The following RBM47 variants were observed in gnomAD, a reference collection of about 807,000 sequenced individuals.
RBM47 encodes RNA-binding protein 47.
Under a neutral mutation model 47.1 loss-of-function variants are expected in RBM47, and 21 were observed. The observed-to-expected ratio is 0.45, with a 90% CI of 0.32 to 0.64. The LOEUF is 0.64. RBM47 is among the 30% of genes least tolerant of loss of function. The probability of loss-of-function intolerance (pLI) is 0.05; values close to 1 mark genes in which losing one functional copy is unlikely to be tolerated. For synonymous variants in RBM47, 375 were observed against 361.7 expected, an observed-to-expected ratio of 1.04 and a Z score of -0.42; for missense variants, 708 against 870.9, an observed-to-expected ratio of 0.81 and a Z score of 2.35.
At chr4:40,479,706 T>C (rs536250522) in intron 2 of RBM47, among the ~76,000 whole-genome samples, 15 of 152,276 alleles carry the variant, frequency 9.9e-5, no homozygotes, top group African/African-American at 3.6e-4. Context: ...TCTAGCTATG[T>C]TGCTCAGGCT....
chr4:40,508,275 C>A (rs1724402485), intron 2 of RBM47, among the ~76,000 whole-genome samples: 1 of 152,166 alleles, frequency 6.6e-6, no homozygotes, highest in Admixed American at 6.5e-5. Flanking sequence ...GCAGCAGTCA[C>A]CTTCTAGGGT....
chr4:40,619,907 C>G (rs900734029), intron 1 of RBM47, among the ~76,000 whole-genome samples: 1 of 152,170 alleles, frequency 6.6e-6, no homozygotes, highest in Non-Finnish European at 1.5e-5. Context: ...GCAGTTAAGT[C>G]TGTATCTAGG....
chr4:40,553,491 T>C (rs1407240556), intron 1 of RBM47, among the ~76,000 whole-genome samples: 1 of 152,120 alleles, frequency 6.6e-6, no homozygotes, highest in Admixed American at 6.5e-5. Flanking sequence ...AAAGATGGCA[T>C]TTCACCATGT....
chr4:40,599,751 A>AAAT (rs1337404074), intron 1 of RBM47, among the ~76,000 whole-genome samples: 1 of 151,802 alleles, frequency 6.6e-6, no homozygotes, highest in Admixed American at 6.6e-5. Context: ...AAAAAAAAAA[A>AAAT]AATCCTCAAG....
chr4:40,536,702 G>GGT (rs1159283404), intron 2 of RBM47, among the ~76,000 whole-genome samples: 352 of 122,958 alleles, frequency 2.9e-3, no homozygotes, highest in African/African-American at 0.013. Flanking sequence ...TGCAGTTTTT[G>GGT]GTGTGTGTGT....
At chr4:40,530,570 G>A (rs1727292208) in intron 2 of RBM47, among the ~76,000 whole-genome samples, 1 of 152,208 alleles carries the variant, frequency 6.6e-6, no homozygotes, top group Non-Finnish European at 1.5e-5. Flanking sequence ...AAAGTGCTGG[G>A]ATTACAGGCG....
At chr4:40,616,869 C>CTT (rs1560507580) in intron 1 of RBM47, among the ~76,000 whole-genome samples, 1 of 119,806 alleles carries the variant, frequency 8.3e-6, no homozygotes, top group African/African-American at 3.3e-5. Flanking sequence ...CTTATATTTT[C>CTT]TTTTCTTTTT....
At chr4:40,606,803 TTA>T (rs1380054432) in intron 1 of RBM47, among the ~76,000 whole-genome samples, 1 of 152,046 alleles carries the variant, frequency 6.6e-6, no homozygotes, top group Non-Finnish European at 1.5e-5. Context: ...TGAACATGTG[TTA>T]CAAGCCTGAG....
chr4:40,557,456 T>G (rs1172292249), intron 1 of RBM47, among the ~76,000 whole-genome samples: 1 of 152,076 alleles, frequency 6.6e-6, no homozygotes, highest in Non-Finnish European at 1.5e-5. Context: ...TCCATAAATA[T>G]TTGTTGAGTT....
chr4:40,500,342 C>T (rs989451857), intron 2 of RBM47, among the ~76,000 whole-genome samples: 6 of 151,092 alleles, frequency 4.0e-5, no homozygotes, highest in Admixed American at 4.0e-4. Flanking sequence ...CTGGACTCAG[C>T]GGCTCATGCC....
At chr4:40,557,660 A>T (rs1730229735) in intron 1 of RBM47, among the ~76,000 whole-genome samples, 2 of 152,134 alleles carry the variant, frequency 1.3e-5, no homozygotes, top group Non-Finnish European at 2.9e-5. Flanking sequence ...GAAGCAGGAG[A>T]ATCGCTTGAA....
At chr4:40,614,405 G>A (rs1402983591) in intron 1 of RBM47, among the ~76,000 whole-genome samples, 1 of 152,176 alleles carries the variant, frequency 6.6e-6, no homozygotes. Flanking sequence ...AAAGGAAAGT[G>A]AAAGGCAGTG....
chr4:40,481,474 ATTATTATTATTATTT>A (rs1284675894), intron 2 of RBM47, among the ~76,000 whole-genome samples: 58 of 126,864 alleles, frequency 4.6e-4, no homozygotes, highest in East Asian at 7.3e-4. Context: ...TATTATTATT[ATTATTATTATTATTT>A]TTATTTTTAT....
At chr4:40,547,654 G>A (rs1729159698) in intron 1 of RBM47, among the ~76,000 whole-genome samples, 1 of 152,186 alleles carries the variant, frequency 6.6e-6, no homozygotes. Flanking sequence ...TGAGTAAGGA[G>A]GTCAAGGGCA....
chr4:40,487,868 T>C (rs1721320094), intron 2 of RBM47, among the ~76,000 whole-genome samples: 1 of 152,218 alleles, frequency 6.6e-6, no homozygotes, highest in Non-Finnish European at 1.5e-5. Context: ...TGCTAATGAA[T>C]TTTTCTTACT....
intron 1 of RBM47, among the ~76,000 whole-genome samples, chr4:40,609,057 G>C (rs1427865215): frequency 6.6e-6 from 1 of 152,084 alleles, no homozygotes; most frequent in African/African-American, 2.4e-5. Context: ...GCGGTGGCAT[G>C]ATCTCAGCTC....
chr4:40,617,218 G>T (rs186304102), intron 1 of RBM47, among the ~76,000 whole-genome samples: 65 of 151,970 alleles, frequency 4.3e-4, no homozygotes, highest in Admixed American at 3.9e-3. Flanking sequence ...TTGTTATGTG[G>T]GATGAATCTC....
At chr4:40,518,846 T>C (rs1302115511) in intron 2 of RBM47, among the ~76,000 whole-genome samples, 1 of 151,798 alleles carries the variant, frequency 6.6e-6, no homozygotes, top group African/African-American at 2.4e-5. Flanking sequence ...GAATTTGTGT[T>C]GGGCCACATT....
rs1205167637 is a variant in RBM47, at chr4:40,437,110, TAAA to T, written c.1124-466_1124-464del. ...AAAAAAATATATATATATATATATA[TAAA>T]ATACATATATATATATATAAAATAC... is the stretch of plus-strand genomic sequence containing the variant. On this transcript the variant is annotated intron_variant, in intron 4 of 6. Transcript: ENST00000295971. 3.9e-3 allele frequency among the ~76,000 whole-genome samples: 234 copies of T among 59,586 alleles called. 12 individuals carry two copies. Among genetic ancestry groups the T allele is most frequent in the African/African-American group, 6.9e-3 (71 of 10,326 alleles). 39.1% of individuals were successfully genotyped at this position (59,586 alleles called of 152,430 possible).
Sources: allele counts gnomAD v4.1 joint callset (sites outside exome capture counted in the v4.1 genomes callset), GRCh38; gene constraint gnomAD v4.1.1; transcripts MANE v1.5; gene names NCBI Gene and HGNC (gene_info 2026-07-23, HGNC 2026-07-21).